Variants in PRKG1 observed in about 807,000 individuals in gnomAD.
PRKG1 encodes the protein protein kinase cGMP-dependent 1.
A neutral mutation model predicts 88.1 loss-of-function variants in PRKG1; 35 were observed. The ratio of observed to expected loss-of-function variants is 0.40; its 90% confidence interval spans 0.30 to 0.53. The LOEUF is 0.53. Ranked by LOEUF, PRKG1 falls within the 20% of genes least tolerant of loss-of-function variation. The pLI, the probability that PRKG1 is intolerant of heterozygous loss-of-function variation, is 0.59. For synonymous variants in PRKG1, 303 were observed against 292.5 expected, an observed-to-expected ratio of 1.04 and a Z score of -0.37; for missense variants, 540 against 839.8, an observed-to-expected ratio of 0.64 and a Z score of 4.41.
chr10:51,275,862 G>T (rs11594220), intron 2 of PRKG1, among the ~76,000 whole-genome samples: 64 of 152,052 alleles, frequency 4.2e-4, no homozygotes, highest in Non-Finnish European at 2.9e-5. Context: ...AGTAAAAGTG[G>T]CCCAGAAAGG....
intron 2 of PRKG1, among the ~76,000 whole-genome samples, chr10:51,195,657 A>C (rs1837743849): frequency 6.6e-6 from 1 of 152,182 alleles, no homozygotes; most frequent in Admixed American, 6.6e-5. Flanking sequence ...CTTAAGGAAA[A>C]CAGATGATAT....
intron 1 of PRKG1, among the ~76,000 whole-genome samples, chr10:51,003,849 T>A (rs1272330078): frequency 6.6e-6 from 1 of 152,210 alleles, no homozygotes; most frequent in Non-Finnish European, 1.5e-5. Flanking sequence ...CCTGCTCTTT[T>A]TGCTTAATAA....
intron 3 of PRKG1, among the ~76,000 whole-genome samples, chr10:51,627,407 A>G (rs1048005771): frequency 2.6e-5 from 4 of 152,224 alleles, no homozygotes; most frequent in African/African-American, 9.6e-5. Flanking sequence ...TACATGCTTC[A>G]GGTTTCTTTA....
At chr10:52,099,300 T>G (rs1847243480) in intron 7 of PRKG1, among the ~76,000 whole-genome samples, 1 of 152,182 alleles carries the variant, frequency 6.6e-6, no homozygotes, top group Non-Finnish European at 1.5e-5. Context: ...AAAAAACGCT[T>G]AAACACTGCT....
intron 3 of PRKG1, among the ~76,000 whole-genome samples, chr10:51,723,288 C>T (rs914621917): frequency 2.6e-5 from 4 of 152,130 alleles, no homozygotes; most frequent in Non-Finnish European, 4.4e-5. Context: ...GAATACTATG[C>T]AGCCATAAAA....
chr10:51,100,971 A>G (rs1844665473), intron 1 of PRKG1, among the ~76,000 whole-genome samples: 1 of 152,128 alleles, frequency 6.6e-6, no homozygotes, highest in Admixed American at 6.5e-5. Flanking sequence ...GTGGTTTTGA[A>G]CCAACATGAG....
intron 4 of PRKG1, among the ~76,000 whole-genome samples, chr10:51,812,922 C>G (rs1839493810): frequency 6.6e-6 from 1 of 152,094 alleles, no homozygotes; most frequent in African/African-American, 2.4e-5. Context: ...TGGTCGTTGT[C>G]AACTTCCGAT....
At chr10:51,185,477 T>C (rs1372934567) in intron 2 of PRKG1, among the ~76,000 whole-genome samples, 1 of 152,078 alleles carries the variant, frequency 6.6e-6, no homozygotes, top group Non-Finnish European at 1.5e-5. Flanking sequence ...ATTCTAAAAC[T>C]TTTTAAATTA....
Position 52,088,339 on chromosome 10 carries a change from T to A in PRKG1, c.935+25708T>A, listed in dbSNP as rs1372298217. ...TATCAAACAGTATATTATTTATGTTTATTAATATATAATAAATTGATATTA... is the reference window on the plus strand; with the variant it reads ...TATCAAACAGTATATTATTTATGTTAATTAATATATAATAAATTGATATTA... On this transcript the variant is annotated intron_variant, in intron 7 of 17. Coordinates refer to ENST00000373980, the MANE Select transcript of PRKG1 (RefSeq NM_006258.4). 1.3e-4 allele frequency among the ~76,000 whole-genome samples: 19 copies of A among 150,226 alleles called. No individual in the cohort carries two copies. In the Admixed American group the frequency reaches 1.3e-3, roughly 10 times the overall value.
intron 2 of PRKG1, among the ~76,000 whole-genome samples, chr10:51,342,620 T>C (rs535039225): frequency 6.6e-6 from 1 of 152,294 alleles, no homozygotes; most frequent in African/African-American, 2.4e-5. Context: ...TACTAGATCA[T>C]ATGCAGACCT....
At chr10:51,626,239 A>G (rs1401072944) in intron 3 of PRKG1, among the ~76,000 whole-genome samples, 2 of 152,154 alleles carry the variant, frequency 1.3e-5, no homozygotes, top group African/African-American at 4.8e-5. Context: ...ACTGATATTC[A>G]CTCATTTTTC....
At chr10:51,780,598 A>C (rs756495858) in intron 3 of PRKG1, among the ~76,000 whole-genome samples, 5 of 152,172 alleles carry the variant, frequency 3.3e-5, no homozygotes, top group Non-Finnish European at 7.4e-5. Flanking sequence ...AGTAACTTTT[A>C]ATCATTTCTG....
chr10:51,489,886 G>T (rs749764952), intron 3 of PRKG1, among the ~76,000 whole-genome samples: 4 of 152,168 alleles, frequency 2.6e-5, no homozygotes, highest in African/African-American at 2.4e-5. Context: ...AGATTATTAA[G>T]AATGTTCTAT....
At chr10:52,239,986 T>G (rs183648836) in intron 9 of PRKG1, among the ~76,000 whole-genome samples, 9 of 152,304 alleles carry the variant, frequency 5.9e-5, no homozygotes, top group Non-Finnish European at 1.3e-4. Flanking sequence ...GTGACCCTTT[T>G]GAATGACTGT....
At chr10:51,572,286 T>C (rs898453792) in intron 3 of PRKG1, among the ~76,000 whole-genome samples, 2 of 151,816 alleles carry the variant, frequency 1.3e-5, no homozygotes, top group Admixed American at 6.6e-5. Flanking sequence ...AGTCCTTCAA[T>C]CAATAAAAAA....
chr10:51,967,205 A>G (rs1190914894), intron 5 of PRKG1, among the ~76,000 whole-genome samples: 4 of 152,218 alleles, frequency 2.6e-5, no homozygotes, highest in African/African-American at 7.2e-5. Flanking sequence ...TGTGGCACGT[A>G]TATACCAATG....
At chr10:51,186,758 T>G (rs1395414432) in intron 2 of PRKG1, among the ~76,000 whole-genome samples, 1 of 151,832 alleles carries the variant, frequency 6.6e-6, no homozygotes, top group African/African-American at 2.4e-5. Flanking sequence ...GTCTGCATTT[T>G]AGAGCGTGCC....
At chr10:51,154,166 A>G (rs1460861691) in intron 2 of PRKG1, among the ~76,000 whole-genome samples, 3 of 152,046 alleles carry the variant, frequency 2.0e-5, no homozygotes, top group Non-Finnish European at 4.4e-5. Flanking sequence ...GGTCATTCAG[A>G]GAAGTGGTGT....
chr10:51,697,615 G>T, intron 3 of PRKG1: 1 of 1,297,598 alleles, frequency 7.7e-7, no homozygotes, highest in Non-Finnish European at 1.1e-6. Context: ...CCAAGTGTGG[G>T]GATACAGAAG....
Sources: gnomAD v4.1 joint callset for allele counts (sites outside exome capture counted in the v4.1 genomes callset) on GRCh38, gnomAD v4.1.1 for gene constraint, MANE v1.5 for transcripts, NCBI Gene and HGNC (gene_info 2026-07-23, HGNC 2026-07-21) for gene names.